VWC2L: variants seen among roughly 807,000 people sequenced by gnomAD.
The protein encoded by VWC2L is von Willebrand factor C domain containing 2 like.
Under a neutral mutation model 21.6 loss-of-function variants are expected in VWC2L, and 10 were observed. That is an observed-to-expected ratio of 0.46 (90% CI 0.29 to 0.78). The LOEUF (loss-of-function observed/expected upper bound fraction) is 0.78, where lower values mean the gene tolerates loss of function less well. Among genes scored for constraint, VWC2L ranks in the 30% least tolerant of loss-of-function variants. VWC2L has a pLI of 0.10. For synonymous variants in VWC2L, 96 were observed against 94.3 expected (o/e 1.02, Z -0.10); for missense variants, 209 against 277.1 (o/e 0.75, Z 1.74).
At chr2:214,448,665 T>C (rs775629737) in intron 3 of VWC2L, among the ~76,000 whole-genome samples, 1 of 152,162 alleles carries the variant, frequency 6.6e-6, no homozygotes, top group Non-Finnish European at 1.5e-5. Flanking sequence ...TGTGGGTCGC[T>C]TTAGTGCAAA....
At chr2:214,453,990 GA>G (rs1238949640) in intron 3 of VWC2L, among the ~76,000 whole-genome samples, 3 of 152,090 alleles carry the variant, frequency 2.0e-5, no homozygotes, top group Admixed American at 6.6e-5. Flanking sequence ...CAAAGTGCTA[GA>G]ATTACAGGAG....
intron 3 of VWC2L, among the ~76,000 whole-genome samples, chr2:214,452,681 C>T (rs1463064117): frequency 1.3e-5 from 2 of 152,042 alleles, no homozygotes; most frequent in Admixed American, 1.3e-4. Flanking sequence ...CTCAAAATGG[C>T]TGTACCATTT....
chr2:214,560,036 TATC>T (rs148837221), intron 3 of VWC2L, among the ~76,000 whole-genome samples: 2,874 of 152,344 alleles, frequency 0.019, 97 homozygotes, highest in African/African-American at 0.065. Flanking sequence ...AATTCTAAAT[TATC>T]ATGTTATTAT....
At chr2:214,526,033 C>T (rs1689328590) in intron 3 of VWC2L, among the ~76,000 whole-genome samples, 1 of 151,256 alleles carries the variant, frequency 6.6e-6, no homozygotes, top group Non-Finnish European at 1.5e-5. Context: ...TAAGTATTAG[C>T]TATAATTTTT....
chr2:214,441,460 G>T (rs910148459), intron 3 of VWC2L, among the ~76,000 whole-genome samples: 1 of 152,014 alleles, frequency 6.6e-6, no homozygotes, highest in Non-Finnish European at 1.5e-5. Flanking sequence ...AAAACAATGG[G>T]ATGTCAATTT....
intron 3 of VWC2L, among the ~76,000 whole-genome samples, chr2:214,506,614 ATTAC>A (rs1688971381): frequency 6.6e-6 from 1 of 152,146 alleles, no homozygotes; most frequent in Non-Finnish European, 1.5e-5. Context: ...CTTCTCAATA[ATTAC>A]TTCTTTCTAA....
At chr2:214,520,877 T>C (rs1048145164) in intron 3 of VWC2L, among the ~76,000 whole-genome samples, 2 of 152,264 alleles carry the variant, frequency 1.3e-5, no homozygotes, top group African/African-American at 4.8e-5. Flanking sequence ...AACAGATCAG[T>C]GCTTTTTTAT....
chr2:214,560,288 CTTT>C, intron 3 of VWC2L, among the ~76,000 whole-genome samples: 1 of 152,130 alleles, frequency 6.6e-6, no homozygotes, highest in Non-Finnish European at 1.5e-5. Context: ...ACCTACTCAT[CTTT>C]TTTTAGTTAT....
chr2:214,522,483 T>C (rs574029834), intron 3 of VWC2L, among the ~76,000 whole-genome samples: 2 of 152,054 alleles, frequency 1.3e-5, no homozygotes, highest in Non-Finnish European at 2.9e-5. Flanking sequence ...GGTGTCTATA[T>C]TTATGGGGTA....
intron 3 of VWC2L, among the ~76,000 whole-genome samples, chr2:214,538,041 G>C (rs953705977): frequency 4.0e-5 from 6 of 151,568 alleles, no homozygotes; most frequent in Non-Finnish European, 5.9e-5. Flanking sequence ...ATGTGTATTT[G>C]ACATTTTTCA....
chr2:214,498,722 TATTATACATATAC>T (rs1688846842), intron 3 of VWC2L, among the ~76,000 whole-genome samples: 2 of 147,610 alleles, frequency 1.4e-5, no homozygotes, highest in African/African-American at 2.5e-5. Flanking sequence ...TATGTGTATA[TATTATACATATAC>T]ATATTTTTAT....
intron 3 of VWC2L, among the ~76,000 whole-genome samples, chr2:214,490,765 T>C (rs529659249): frequency 6.6e-6 from 1 of 152,108 alleles, no homozygotes; most frequent in East Asian, 1.9e-4. Context: ...GAATGAGGCT[T>C]AGGAGGAAGA....
In VWC2L at chr2:214,429,519, T is replaced by G. The variant is rs77824448; in HGVS notation, c.391-7110T>G. Among the ~76,000 whole-genome samples the G allele has an allele frequency of 4.8e-3, 731 of 152,332 alleles. 29 individuals are homozygous for G. The East Asian group carries it at 0.097, about 20-fold the overall frequency. ...TTCCTCTCTTAAATATACCCTGATATTTCCTTGATAAGCATACTGTGCCTA... is the reference window on the plus strand; with the variant it reads ...TTCCTCTCTTAAATATACCCTGATAGTTCCTTGATAAGCATACTGTGCCTA... On this transcript the variant is annotated intron_variant, in intron 2 of 3. Coordinates refer to ENST00000312504, the MANE Select transcript of VWC2L (RefSeq NM_001080500.4).
At chr2:214,538,972 T>C (rs1456229292) in intron 3 of VWC2L, among the ~76,000 whole-genome samples, 1 of 152,148 alleles carries the variant, frequency 6.6e-6, no homozygotes, top group Non-Finnish European at 1.5e-5. Flanking sequence ...ATTTCTAAAA[T>C]GAGCACTTTT....
At chr2:214,506,537 T>C (rs1023254564) in intron 3 of VWC2L, among the ~76,000 whole-genome samples, 2 of 152,194 alleles carry the variant, frequency 1.3e-5, no homozygotes, top group Non-Finnish European at 1.5e-5. Flanking sequence ...AATTTAGCTA[T>C]ACGTATCAAA....
chr2:214,459,902 C>CTTTTTTTTTTT (rs57351904), intron 3 of VWC2L, among the ~76,000 whole-genome samples: 8 of 85,160 alleles, frequency 9.4e-5, no homozygotes, highest in African/African-American at 1.5e-4. Flanking sequence ...TTTCCTTTGA[C>CTTTTTTTTTTT]TTTTTTTTTT....
At position 214,578,677 on chromosome 2, in the gene VWC2L, CTT is replaced by C. The variant is rs1457771165; in HGVS notation, c.*2859_*2860del. ...ATCTGTTGTTTGTTTCTTGTGAAGTCTTTGTTTGCAGCCACACTGTCATCTCT... is the reference window on the plus strand; with the variant it reads ...ATCTGTTGTTTGTTTCTTGTGAAGTCTGTTTGCAGCCACACTGTCATCTCT... On this transcript the variant is annotated 3_prime_UTR_variant, in exon 4 of 4. Transcript: ENST00000312504. The C allele has an allele frequency of 3.9e-5, 6 of 152,202 alleles. No homozygotes were observed. In the East Asian group the frequency reaches 9.7e-4, roughly 25 times the overall value. The allele number at this position is 152,202 out of a possible 1,614,324, so 9.4% of individuals were successfully genotyped here.
chr2:214,447,283 G>A (rs1702852595), intron 3 of VWC2L, among the ~76,000 whole-genome samples: 1 of 152,102 alleles, frequency 6.6e-6, no homozygotes, highest in South Asian at 2.1e-4. Context: ...TCAGTCTCAG[G>A]AGTGGTGAGT....
intron 3 of VWC2L, among the ~76,000 whole-genome samples, chr2:214,461,661 G>A (rs1236704106): frequency 2.0e-5 from 3 of 152,216 alleles, no homozygotes; most frequent in African/African-American, 7.2e-5. Context: ...AGGCACTGGA[G>A]CCGGCAGTGC....
Sources: allele counts gnomAD v4.1 joint callset (sites outside exome capture counted in the v4.1 genomes callset), GRCh38; gene constraint gnomAD v4.1.1; transcripts MANE v1.5; gene names NCBI Gene and HGNC (gene_info 2026-07-23, HGNC 2026-07-21).